TENM3: variants seen among roughly 807,000 people sequenced by gnomAD.
The protein encoded by TENM3 is teneurin-3.
A neutral mutation model predicts 255.1 loss-of-function variants in TENM3; 63 were observed. That is an observed-to-expected ratio of 0.25 (90% CI 0.20 to 0.30). TENM3 has a LOEUF of 0.30. TENM3 is among the 10% of genes least tolerant of loss of function. The pLI is 1.00. For missense variants in TENM3, 2,929 were observed against 3,461.1 expected, an observed-to-expected ratio of 0.85 and a Z score of 3.86; for synonymous variants, 1,306 against 1,322.3, an observed-to-expected ratio of 0.99 and a Z score of 0.27.
At chr4:181,630,018 T>G in the TENM3 span, among the ~76,000 whole-genome samples, 1 of 152,232 alleles carries the variant, frequency 6.6e-6, no homozygotes, top group South Asian at 2.1e-4. Context: ...CTTCAGAGCC[T>G]GTTATTGGTC....
intron 4 of TENM3, among the ~76,000 whole-genome samples, chr4:182,626,462 A>G (rs569838239): frequency 2.6e-5 from 4 of 152,338 alleles, no homozygotes; most frequent in East Asian, 1.9e-4. Flanking sequence ...AACACTTTAT[A>G]TATGCATTAC....
chr4:182,543,690 T>G (rs1342079584), intron 3 of TENM3, among the ~76,000 whole-genome samples: 1 of 152,164 alleles, frequency 6.6e-6, no homozygotes, highest in Admixed American at 6.5e-5. Flanking sequence ...TGTGTGTATA[T>G]ATGTAAGTTG....
chr4:181,756,898 C>T, the TENM3 span, among the ~76,000 whole-genome samples: 1 of 152,150 alleles, frequency 6.6e-6, no homozygotes, highest in Non-Finnish European at 1.5e-5. Context: ...ACTAGCTAAT[C>T]CTCCTATACT....
At chr4:181,626,086 C>T in the TENM3 span, among the ~76,000 whole-genome samples, 3 of 152,184 alleles carry the variant, frequency 2.0e-5, no homozygotes, top group Non-Finnish European at 4.4e-5. Context: ...CTTTGCAAAA[C>T]TTTGCCAACT....
At chr4:182,356,851 A>G (rs558162358) in intron 3 of TENM3, among the ~76,000 whole-genome samples, 118 of 145,294 alleles carry the variant, frequency 8.1e-4, no homozygotes, top group African/African-American at 2.8e-3. Flanking sequence ...ATATCTCCCA[A>G]TGCTCTCCCT....
intron 22 of TENM3, among the ~76,000 whole-genome samples, chr4:182,770,493 G>T (rs1764113196): frequency 6.6e-6 from 1 of 152,112 alleles, no homozygotes; most frequent in African/African-American, 2.4e-5. Context: ...CTGCCTGACT[G>T]CCTGATCCCA....
Position 182,799,784 on chromosome 4 carries a change from C to T in TENM3, c.7533C>T (p.Thr2511=), listed in dbSNP as rs1766777299. 6.3e-7 allele frequency: 1 copy of T among 1,598,266 alleles called. No homozygotes were observed. Among genetic ancestry groups the T allele is most frequent in the African/African-American group, 1.3e-5 (1 of 74,712 alleles). Residue 2511 remains threonine, a synonymous_variant, in exon 28 of 28, where the codon ACC becomes ACT. Transcript: ENST00000511685. This position sits in a 1 kb window ranked among gnomAD's most constrained non-coding sequence, Gnocchi z 4.2. ...CCGTCAGCCAGGGCCGCGTGCAGAC[C>T]AACGTGCTCAACATCGCCAACGAGG... ...MLAVSQGRVQ[T]NVLNIANEDC... is the part of the protein sequence containing the mutation.
the TENM3 span, among the ~76,000 whole-genome samples, chr4:181,728,802 C>T: frequency 3.9e-5 from 6 of 152,136 alleles, no homozygotes; most frequent in East Asian, 1.9e-4. Context: ...TCTCAGCTTT[C>T]TTTTACCCAG....
intron 4 of TENM3, among the ~76,000 whole-genome samples, chr4:182,622,024 T>G (rs1402431362): frequency 6.6e-6 from 1 of 151,358 alleles, no homozygotes; most frequent in Non-Finnish European, 1.5e-5. Context: ...TATTACATCT[T>G]TGTTTTGAGC....
the TENM3 span, among the ~76,000 whole-genome samples, chr4:181,962,951 G>A: frequency 6.6e-6 from 1 of 152,142 alleles, no homozygotes; most frequent in African/African-American, 2.4e-5. Context: ...ATATTGAATT[G>A]CTACAGCCTC....
the TENM3 span, among the ~76,000 whole-genome samples, chr4:181,873,500 T>C: frequency 6.6e-6 from 1 of 152,260 alleles, no homozygotes. Context: ...TGATTTATTC[T>C]TTCATTATGC....
At chr4:182,111,541 C>T in the TENM3 span, among the ~76,000 whole-genome samples, 127 of 152,256 alleles carry the variant, frequency 8.3e-4, no homozygotes, top group Non-Finnish European at 1.5e-3. Flanking sequence ...TATGGATGCA[C>T]GTGCAATGGA....
At chr4:182,338,189 T>C (rs1007826894) in intron 2 of TENM3, among the ~76,000 whole-genome samples, 1 of 152,200 alleles carries the variant, frequency 6.6e-6, no homozygotes, top group African/African-American at 2.4e-5. Flanking sequence ...GTTTGTATTT[T>C]CCCGGCTTCC....
chr4:182,084,107 G>A, the TENM3 span, among the ~76,000 whole-genome samples: 3 of 151,908 alleles, frequency 2.0e-5, no homozygotes, highest in Non-Finnish European at 1.5e-5. Context: ...ATTATTTGCC[G>A]TGATACTTGG....
At chr4:182,424,485 A>G (rs1350505725) in intron 3 of TENM3, among the ~76,000 whole-genome samples, 1 of 151,110 alleles carries the variant, frequency 6.6e-6, no homozygotes, top group South Asian at 2.1e-4. Flanking sequence ...ATTTTTGACT[A>G]TTACTATCAT....
chr4:182,019,273 C>T, the TENM3 span, among the ~76,000 whole-genome samples: 1 of 152,166 alleles, frequency 6.6e-6, no homozygotes, highest in Admixed American at 6.5e-5. Flanking sequence ...AAACATCAAG[C>T]CCCCTCTGAG....
At chr4:181,700,569 C>T in the TENM3 span, among the ~76,000 whole-genome samples, 12 of 152,274 alleles carry the variant, frequency 7.9e-5, no homozygotes, top group Non-Finnish European at 1.2e-4. Context: ...TGAGCAGAAG[C>T]GTAAGGATTT....
the TENM3 span, among the ~76,000 whole-genome samples, chr4:181,760,698 G>C: frequency 6.6e-6 from 1 of 151,962 alleles, no homozygotes; most frequent in South Asian, 2.1e-4. Flanking sequence ...CCAACTAGCT[G>C]TTATTCCCTT....
At chr4:181,494,967 A>C in the TENM3 span, among the ~76,000 whole-genome samples, 10 of 152,080 alleles carry the variant, frequency 6.6e-5, no homozygotes, top group Non-Finnish European at 1.5e-4. Flanking sequence ...CGGAGAAGTT[A>C]TCTCTTATTT....
Sources: gnomAD v4.1 joint callset for allele counts (sites outside exome capture counted in the v4.1 genomes callset) on GRCh38, gnomAD v4.1.1 for gene constraint, Gnocchi (gnomAD v3.1) non-coding constraint, MANE v1.5 for transcripts, NCBI Gene and HGNC (gene_info 2026-07-23, HGNC 2026-07-21) for gene names.